ATP2B4: variants seen among roughly 807,000 people sequenced by gnomAD.
The protein encoded by ATP2B4 is ATPase plasma membrane Ca2+ transporting 4.
ATP2B4 carries 39 observed loss-of-function variants against 110.3 expected under a neutral mutation model. That is an observed-to-expected ratio of 0.35 (90% CI 0.27 to 0.46). ATP2B4 has a LOEUF of 0.46. ATP2B4 is among the 20% of genes least tolerant of loss of function. The pLI, the probability that ATP2B4 is intolerant of heterozygous loss-of-function variation, is 1.00. For missense variants in ATP2B4, 1,135 were observed against 1,530.9 expected (o/e 0.74, Z 4.32); for synonymous variants, 538 against 571.7 (o/e 0.94, Z 0.84).
chr1:203,627,605 A>T (rs1190696343), intron 1 of ATP2B4, among the ~76,000 whole-genome samples: 1 of 151,616 alleles, frequency 6.6e-6, no homozygotes, highest in Non-Finnish European at 1.5e-5. Flanking sequence ...AATGAGACGC[A>T]GGATGGAAAA....
intron 1 of ATP2B4, among the ~76,000 whole-genome samples, chr1:203,677,465 TTTTG>T (rs947713235): frequency 2.6e-5 from 4 of 151,916 alleles, no homozygotes; most frequent in African/African-American, 7.2e-5. Context: ...CTAAAGCAGG[TTTTG>T]TTTGTTTGTT....
At chr1:203,735,002 CAAAAAAAAAAAAAA>C (rs35552196) in intron 20 of ATP2B4, among the ~76,000 whole-genome samples, 1 of 57,132 alleles carries the variant, frequency 1.8e-5, no homozygotes, top group Non-Finnish European at 3.0e-5. Flanking sequence ...GACTCCATCT[CAAAAAAAAAAAAAA>C]AAAAAAAAAC....
intron 1 of ATP2B4, among the ~76,000 whole-genome samples, chr1:203,639,051 G>A (rs760106603): frequency 4.6e-5 from 7 of 152,114 alleles, no homozygotes; most frequent in South Asian, 2.1e-4. Flanking sequence ...TCCTCCTGCC[G>A]GGGTATTCTT....
At chr1:203,719,739 T>C (rs1197840854) in intron 15 of ATP2B4, among the ~76,000 whole-genome samples, 1 of 151,158 alleles carries the variant, frequency 6.6e-6, no homozygotes, top group East Asian at 1.9e-4. Context: ...AATAAATAAA[T>C]AAATAAATAA....
chr1:203,652,986 T>C (rs538797977), intron 1 of ATP2B4, among the ~76,000 whole-genome samples: 38 of 152,338 alleles, frequency 2.5e-4, no homozygotes, highest in Non-Finnish European at 4.9e-4. Context: ...TTAGGCCTAC[T>C]GAGGAAGTCG....
intron 1 of ATP2B4, among the ~76,000 whole-genome samples, chr1:203,635,481 T>C (rs956917819): frequency 1.3e-5 from 2 of 152,076 alleles, no homozygotes; most frequent in African/African-American, 2.4e-5. Context: ...ATGGATGACA[T>C]AGGAAGACTC....
At chr1:203,696,706 C>T (rs1170766687) in intron 2 of ATP2B4, among the ~76,000 whole-genome samples, 2 of 152,186 alleles carry the variant, frequency 1.3e-5, no homozygotes, top group Non-Finnish European at 2.9e-5. Flanking sequence ...ATAATTCTGC[C>T]TATCTCTTGT....
At chr1:203,722,419 C>G (rs893081410) in intron 17 of ATP2B4, 59 bp from the exon 18 acceptor site, 1 of 1,343,394 alleles carries the variant, frequency 7.4e-7, no homozygotes, top group Non-Finnish European at 1.1e-6. Context: ...TGTACCAACA[C>G]ATTCTTACTC....
intron 1 of ATP2B4, among the ~76,000 whole-genome samples, chr1:203,638,504 C>T (rs1350222042): frequency 6.6e-6 from 1 of 152,154 alleles, no homozygotes; most frequent in Non-Finnish European, 1.5e-5. Flanking sequence ...GGAGGACGGT[C>T]ACCAGGCTTT....
chr1:203,718,517 C>T (rs1194439802), intron 15 of ATP2B4, among the ~76,000 whole-genome samples: 5 of 152,038 alleles, frequency 3.3e-5, no homozygotes, highest in Non-Finnish European at 7.4e-5. Flanking sequence ...CCAGAGTGGT[C>T]TCAAACTCCT....
chr1:203,721,908 A>G (rs1432474147), intron 17 of ATP2B4, among the ~76,000 whole-genome samples: 3 of 151,744 alleles, frequency 2.0e-5, no homozygotes, highest in South Asian at 2.1e-4. Flanking sequence ...TGATCTGCCC[A>G]CCTCAGCCCC....
At chr1:203,651,225 T>C (rs146808902) in intron 1 of ATP2B4, among the ~76,000 whole-genome samples, 106 of 152,348 alleles carry the variant, frequency 7.0e-4, no homozygotes, top group African/African-American at 1.3e-3. Flanking sequence ...CCATTTTTTT[T>C]CTTCTCTCTC....
At chr1:203,702,143 G>A in intron 7 of ATP2B4, 64 bp downstream of exon 7, 1 of 1,577,794 alleles carries the variant, frequency 6.3e-7, no homozygotes, top group Non-Finnish European at 8.7e-7. Context: ...ACCTTTCCAG[G>A]CCATCTTCCT....
intron 1 of ATP2B4, chr1:203,657,618 A>G (rs1664201113): frequency 2.3e-5 from 22 of 965,028 alleles, no homozygotes; most frequent in Non-Finnish European, 3.6e-5. Context: ...CTTCAGACCA[A>G]TCATTTGCTT....
chr1:203,683,177 G>A lies in ATP2B4; in HGVS notation c.-29G>A, dbSNP rs3766753. 757 of 1,605,686 alleles carry A rather than the reference G, an allele frequency of 4.7e-4. 7 individuals are homozygous for A. The East Asian group carries it at 0.012, about 25-fold the overall frequency. ...TGAAGGGAAACGCTACATCTTCTCTGGTTGAGGGGCTTGGTAACAGCAGGC... is the reference window on the plus strand; with the variant it reads ...TGAAGGGAAACGCTACATCTTCTCTAGTTGAGGGGCTTGGTAACAGCAGGC... On this transcript the variant is annotated 5_prime_UTR_variant, in exon 2 of 21. Coordinates refer to ENST00000357681, the MANE Select transcript of ATP2B4 (RefSeq NM_001684.5).
intron 6 of ATP2B4, among the ~76,000 whole-genome samples, chr1:203,701,633 A>G (rs2236549): frequency 0.26 from 38,940 of 152,130 alleles, 5,893 homozygotes; most frequent in East Asian, 0.57. Flanking sequence ...TCATTTCTGC[A>G]GCTGCCTGCA....
chr1:203,691,683 A>G (rs1487429916), intron 2 of ATP2B4, among the ~76,000 whole-genome samples: 1 of 152,168 alleles, frequency 6.6e-6, no homozygotes, highest in Non-Finnish European at 1.5e-5. Flanking sequence ...CTGGAAGTCT[A>G]GCAGATAGGG....
In ATP2B4 at chr1:203,712,073, TG is replaced by T; in HGVS notation, c.2149del (p.Asp717MetfsTer6). Reference protein sequence around the residue: ...IATKCGILTPGDDFLCLEGKE... With the variant: ...IATKCGILTPXDDFLCLEGKE... ...CCACCAAATGTGGCATTCTGACACC[TG>T]GGGATGACTTCCTGTGCTTAGAAGG... On this transcript the variant is annotated frameshift_variant, in exon 13 of 21. Coordinates refer to ENST00000357681, the MANE Select transcript of ATP2B4 (RefSeq NM_001684.5). LOFTEE classifies it high-confidence loss of function. The T allele has an allele frequency of 6.2e-7, 1 of 1,614,150 alleles. No homozygotes were observed. The highest frequency in any genetic ancestry group is 8.5e-7 in the Non-Finnish European group (1 of 1,180,020).
rs143957123 is a variant in ATP2B4 at position 203,673,240 on chromosome 1, A to G, written c.-464-9502A>G. Among the ~76,000 whole-genome samples, 796 of 152,326 alleles carry G rather than the reference A, an allele frequency of 5.2e-3. 5 individuals carry two copies. Among genetic ancestry groups the G allele is most frequent in the South Asian group, 0.014 (68 of 4,832 alleles). ...GGCCCCACCTCCGTTCTTGTGCACC[A>G]GAAACTCAGGAGTTGGCAGGGAGGG... On this transcript the variant is annotated intron_variant, in intron 1 of 20. Transcript: ENST00000357681.
Sources: allele counts gnomAD v4.1 joint callset (sites outside exome capture counted in the v4.1 genomes callset), GRCh38; gene constraint gnomAD v4.1.1; transcripts MANE v1.5; gene names NCBI Gene and HGNC (gene_info 2026-07-23, HGNC 2026-07-21).